ANGPT2: variants seen among roughly 807,000 people sequenced by gnomAD.
The protein encoded by ANGPT2 is angiopoietin 2.
Under a neutral mutation model 62.9 loss-of-function variants are expected in ANGPT2, and 28 were observed. That is an observed-to-expected ratio of 0.44 (90% confidence interval 0.33 to 0.61). The LOEUF (loss-of-function observed/expected upper bound fraction) is 0.61. ANGPT2 is among the 20% of genes least tolerant of loss of function. The pLI is 0.03. For synonymous variants in ANGPT2, 284 were observed against 207.8 expected, an observed-to-expected ratio of 1.37 and a Z score of -3.15; for missense variants, 727 against 594.9, an observed-to-expected ratio of 1.22 and a Z score of -2.31.
intron 1 of ANGPT2, among the ~76,000 whole-genome samples, chr8:6,549,163 G>C (rs1823138871): frequency 1.3e-5 from 2 of 152,164 alleles, no homozygotes. Context: ...ATGATACATG[G>C]GTTTGTACAG....
chr8:6,554,939 T>C (rs1427437082), intron 1 of ANGPT2, among the ~76,000 whole-genome samples: 3 of 152,196 alleles, frequency 2.0e-5, no homozygotes, highest in African/African-American at 7.2e-5. Flanking sequence ...AAAGGTGATT[T>C]CATGGAGAAA....
chr8:6,526,069 A>T (rs1398203224), intron 3 of ANGPT2, among the ~76,000 whole-genome samples: 2 of 151,996 alleles, frequency 1.3e-5, no homozygotes, highest in African/African-American at 4.8e-5. Flanking sequence ...TCCAGCTCCC[A>T]TGTGTTCCAG....
intron 6 of ANGPT2, among the ~76,000 whole-genome samples, chr8:6,514,319 A>G (rs1179493404): frequency 1.3e-5 from 2 of 152,086 alleles, no homozygotes; most frequent in Admixed American, 1.3e-4. Context: ...CCTCCTGAGT[A>G]GCTGGGATTA....
rs781382246 is a variant in ANGPT2 at position 6,532,430 on chromosome 8, C to T, written c.346G>A (p.Ala116Thr). ...KKEMVEIQQN[A>T]VQNQTAVMIE... ...ATCACAGCCGTCTGGTTCTGTACTG[C>T]ATTCTGCTGTATCTCTACCATTTCT... Residue 116 changes from alanine (A) to threonine (T), a missense_variant, in exon 2 of 9, where the codon GCA (alanine) becomes ACA (threonine). By Grantham distance (58) the Ala-to-Thr change is moderately conservative. Coordinates refer to ENST00000629816, the MANE Select transcript of ANGPT2 (RefSeq NM_001118887.2). 10 of 1,614,080 alleles carry T rather than the reference C, an allele frequency of 6.2e-6. No homozygotes were observed. In the Admixed American group the frequency reaches 1.5e-4, roughly 24 times the overall value.
At chr8:6,527,841 A>C (rs1818635267) in intron 2 of ANGPT2, among the ~76,000 whole-genome samples, 165 bp from the exon 3 acceptor site, 1 of 151,700 alleles carries the variant, frequency 6.6e-6, no homozygotes, top group South Asian at 2.1e-4. Flanking sequence ...GAAAAGGCTC[A>C]ATGTCTTAGA....
rs754607695 is a variant in ANGPT2 at position 6,532,348 on chromosome 8, G to A, written c.428C>T (p.Thr143Ile). The A allele has an allele frequency of 1.2e-6, 2 of 1,613,978 alleles. No individual in the cohort carries two copies. The highest frequency in any genetic ancestry group is 2.7e-5 in the African/African-American group (2 of 74,898). Reference sequence around the variant, plus strand: ...ATTACTTACTTGGGCTTCCACATCAGTTAACTTCCGCGTTTGCTCCGCTGT... The same window carrying A: ...ATTACTTACTTGGGCTTCCACATCAATTAACTTCCGCGTTTGCTCCGCTGT... ...NQTAEQTRKL[T>I]DVEAQVLNQT... The change falls in exon 2 of 9, where the codon ACT becomes ATT. Residue 143 changes from threonine to isoleucine, a missense_variant. Coordinates refer to ENST00000629816, the MANE Select transcript of ANGPT2 (RefSeq NM_001118887.2).
chr8:6,502,844 G>A lies in ANGPT2; in HGVS notation c.*257C>T, dbSNP rs898091946. On this transcript the variant is annotated 3_prime_UTR_variant, in exon 9 of 9. Transcript: ENST00000629816. The stretch of plus-strand genomic sequence containing the variant: ...CTGTAAACTGTCAGTCTGATTCTCA[G>A]CCTCGGGTTCATCTTTGCATAGGTG... 8.9e-6 allele frequency: 4 copies of A among 449,342 alleles called. No homozygotes were observed. Among genetic ancestry groups the A allele is most frequent in the Non-Finnish European group, 1.2e-5 (3 of 251,800 alleles). 27.8% of individuals were successfully genotyped at this position (449,342 alleles called of 1,614,324 possible).
chr8:6,528,572 C>G (rs1456732909), intron 2 of ANGPT2, among the ~76,000 whole-genome samples: 1 of 152,240 alleles, frequency 6.6e-6, no homozygotes, highest in East Asian at 1.9e-4. Flanking sequence ...GAGTGTGAAG[C>G]GGAGCCTCAG....
At chr8:6,519,250 G>A (rs954081647) in intron 5 of ANGPT2, among the ~76,000 whole-genome samples, 2 of 152,106 alleles carry the variant, frequency 1.3e-5, no homozygotes, top group Non-Finnish European at 2.9e-5. Context: ...AAGTCCACAG[G>A]TTGAAACTGT....
intron 1 of ANGPT2, among the ~76,000 whole-genome samples, chr8:6,539,715 T>C (rs1821190350): frequency 6.6e-6 from 1 of 152,182 alleles, no homozygotes; most frequent in Admixed American, 6.5e-5. Context: ...GCTTCCCAAG[T>C]AGCTGGGGTT....
chr8:6,536,675 A>G (rs902587607), intron 1 of ANGPT2, among the ~76,000 whole-genome samples: 1 of 152,192 alleles, frequency 6.6e-6, no homozygotes, highest in Non-Finnish European at 1.5e-5. Flanking sequence ...AAAAATGAAC[A>G]TTTCCAAATA....
chr8:6,517,918 G>A (rs1266205611), intron 5 of ANGPT2, among the ~76,000 whole-genome samples: 1 of 152,178 alleles, frequency 6.6e-6, no homozygotes, highest in Non-Finnish European at 1.5e-5. Flanking sequence ...GAAAATTGAG[G>A]TTTGTGAAAG....
intron 1 of ANGPT2, among the ~76,000 whole-genome samples, chr8:6,536,331 G>A (rs1820493885): frequency 6.6e-6 from 1 of 152,226 alleles, no homozygotes; most frequent in Non-Finnish European, 1.5e-5. Flanking sequence ...GTGGATGCAG[G>A]GCTGAGCACT....
Position 6,562,786 on chromosome 8 carries a change from A to G in ANGPT2, c.149T>C (p.Met50Thr). The G allele has an allele frequency of 6.2e-7, 1 of 1,613,866 alleles. No homozygotes were observed. Among genetic ancestry groups the G allele is most frequent in the Non-Finnish European group, 8.5e-7 (1 of 1,179,968 alleles). ...GCTGGAGGAAGAGCGGCAGTTGTCC[A>G]TCTCTGGCAGGAGGAAAGTGTAGCT... ...SCSYTFLLPE[M>T]DNCRSSSSPY... Residue 50 changes from methionine (M) to threonine (T), a missense_variant, in exon 1 of 9, where the codon ATG (methionine) becomes ACG (threonine). By Grantham distance (81) the Met-to-Thr change is moderately conservative. Coordinates refer to ENST00000629816, the MANE Select transcript of ANGPT2 (RefSeq NM_001118887.2).
intron 2 of ANGPT2, among the ~76,000 whole-genome samples, chr8:6,530,250 G>A (rs528074758): frequency 6.6e-6 from 1 of 152,066 alleles, no homozygotes; most frequent in Non-Finnish European, 1.5e-5. Flanking sequence ...GCTCACGCCT[G>A]TGATCCCAGC....
intron 1 of ANGPT2, among the ~76,000 whole-genome samples, chr8:6,545,272 T>A (rs2129574385): frequency 6.6e-6 from 1 of 152,352 alleles, no homozygotes; most frequent in Non-Finnish European, 1.5e-5. Flanking sequence ...GCTGGTTACA[T>A]GAGTGAATCC....
At chr8:6,518,001 T>A (rs911737811) in intron 5 of ANGPT2, among the ~76,000 whole-genome samples, 1 of 152,194 alleles carries the variant, frequency 6.6e-6, no homozygotes, top group African/African-American at 2.4e-5. Context: ...TCCTAATGTT[T>A]CCAACCATGA....
At position 6,503,270 on chromosome 8, in the gene ANGPT2, G is replaced by A. The variant is rs1812560542; in HGVS notation, c.1328-9C>T. 3 of 1,614,072 alleles carry A rather than the reference G, an allele frequency of 1.9e-6. No homozygotes were observed. Among genetic ancestry groups the A allele is most frequent in the Non-Finnish European group, 2.5e-6 (3 of 1,179,984 alleles). ...TGCATCAAACCACCAGCCTGTGAAA[G>A]TAAAACACAGAAGGAATTAGGAACT... is the stretch of plus-strand genomic sequence containing the variant. On this transcript the variant is annotated splice_polypyrimidine_tract_variant and intron_variant, in intron 8 of 8. Coordinates refer to ENST00000629816, the MANE Select transcript of ANGPT2 (RefSeq NM_001118887.2).
At chr8:6,539,321 G>A (rs1586483690) in intron 1 of ANGPT2, among the ~76,000 whole-genome samples, 1 of 152,322 alleles carries the variant, frequency 6.6e-6, no homozygotes, top group South Asian at 2.1e-4. Flanking sequence ...AAAGCTACTT[G>A]CCATCTGTTG....
Sources: allele counts gnomAD v4.1 joint callset (sites outside exome capture counted in the v4.1 genomes callset), GRCh38; gene constraint gnomAD v4.1.1; transcripts MANE v1.5; gene names NCBI Gene and HGNC (gene_info 2026-07-23, HGNC 2026-07-21).